RPH3AL: variants seen among roughly 807,000 people sequenced by gnomAD.
The protein encoded by RPH3AL is rabphilin 3A like (without C2 domains), also known as rab effector Noc2.
A neutral mutation model predicts 43.1 loss-of-function variants in RPH3AL; 38 were observed. The ratio of observed to expected loss-of-function variants is 0.88; its 90% CI spans 0.68 to 1.15. The LOEUF (loss-of-function observed/expected upper bound fraction) is 1.15, where lower values mean the gene tolerates loss of function less well. RPH3AL is among the 50% of genes most tolerant of loss of function. RPH3AL has a pLI of 0.00. For synonymous variants in RPH3AL, 189 were observed against 176.3 expected, an observed-to-expected ratio of 1.07 and a Z score of -0.57; for missense variants, 462 against 423.2, an observed-to-expected ratio of 1.09 and a Z score of -0.81.
chr17:268,190 T>C lies in RPH3AL; in HGVS notation c.438+13578A>G, dbSNP rs538565892. 2.4e-4 allele frequency among the ~76,000 whole-genome samples: 37 copies of C among 152,284 alleles called. No individual in the cohort carries two copies. The East Asian group carries it at 6.4e-3, about 26-fold the overall frequency. ...TTTTCCTCTCCCTCCATCACCCTTG[T>C]GACAACGAAAGCAACCCCTCCTCTT... is the stretch of plus-strand genomic sequence containing the variant. On this transcript the variant is annotated intron_variant, in intron 6 of 9. Transcript: ENST00000331302.
chr17:240,615 C>T (rs921344189), intron 7 of RPH3AL, among the ~76,000 whole-genome samples: 5 of 152,202 alleles, frequency 3.3e-5, no homozygotes, highest in Admixed American at 1.3e-4. Context: ...CAGGCTGCAG[C>T]GTGGATCAGC....
chr17:312,288 G>A (rs1337430327), intron 5 of RPH3AL, among the ~76,000 whole-genome samples: 2 of 152,026 alleles, frequency 1.3e-5, no homozygotes. Flanking sequence ...GTGACAGAGT[G>A]AGACCCTGTC....
chr17:286,002 C>T (rs777539896), intron 5 of RPH3AL, among the ~76,000 whole-genome samples: 1 of 152,234 alleles, frequency 6.6e-6, no homozygotes, highest in Non-Finnish European at 1.5e-5. Context: ...CCCCACTGTG[C>T]ACCCCGGGAT....
chr17:270,543 T>C (rs897786849), intron 6 of RPH3AL, among the ~76,000 whole-genome samples: 11 of 152,026 alleles, frequency 7.2e-5, no homozygotes, highest in African/African-American at 2.7e-4. Flanking sequence ...GATAAGTGAG[T>C]TGGAGAGGAT....
At chr17:249,463 C>A (rs1382558768) in intron 6 of RPH3AL, among the ~76,000 whole-genome samples, 1 of 152,068 alleles carries the variant, frequency 6.6e-6, no homozygotes, top group Non-Finnish European at 1.5e-5. Context: ...CACGGAGCAG[C>A]CTCTCCACAG....
intron 1 of RPH3AL, chr17:338,557 ACGTAGGTACCTGTGGCCCCTGAGCACTCT>A (rs1381065225): frequency 6.6e-6 from 1 of 152,184 alleles, no homozygotes; most frequent in Non-Finnish European, 1.5e-5. Flanking sequence ...CCAGAATAAT[ACGTAGGTACCTGTGGCCCCTGAGCACTCT>A]CTGCCCAGAA....
chr17:283,288 GT>G lies in RPH3AL; in HGVS notation c.352-1435del. On this transcript the variant is annotated intron_variant, in intron 5 of 9. Coordinates refer to ENST00000331302, the MANE Select transcript of RPH3AL (RefSeq NM_006987.4). This position sits in a 1 kb window ranked among gnomAD's most constrained non-coding sequence, Gnocchi z 4.2. ...CACCAACTTGGCTTCCACGTCGAGC[GT>G]GTCGAGCGTGTGGAGGTCACTGGCC... 6.6e-6 allele frequency among the ~76,000 whole-genome samples: 1 copy of G among 152,288 alleles called. No homozygotes were observed. Among genetic ancestry groups the G allele is most frequent in the South Asian group, 2.1e-4 (1 of 4,826 alleles).
chr17:348,506 A>AT (rs1383750893), intron 1 of RPH3AL, among the ~76,000 whole-genome samples: 2 of 148,956 alleles, frequency 1.3e-5, no homozygotes, highest in African/African-American at 5.0e-5. Context: ...TTTTTGTTCA[A>AT]TTTTTTCTGT....
At chr17:336,417 G>T (rs2044955088) in intron 1 of RPH3AL, among the ~76,000 whole-genome samples, 1 of 152,146 alleles carries the variant, frequency 6.6e-6, no homozygotes, top group African/African-American at 2.4e-5. Context: ...GTTGAAGCAG[G>T]AGCCCCGGGG....
intron 1 of RPH3AL, among the ~76,000 whole-genome samples, chr17:347,514 C>T (rs2045261840): frequency 6.6e-6 from 1 of 151,890 alleles, no homozygotes; most frequent in Non-Finnish European, 1.5e-5. Context: ...AGCCCCAGAG[C>T]TCAGGGTGGC....
At chr17:297,324 C>A (rs532605142) in intron 5 of RPH3AL, among the ~76,000 whole-genome samples, 3 of 152,324 alleles carry the variant, frequency 2.0e-5, no homozygotes, top group South Asian at 2.1e-4. Context: ...TGTTTCTCTG[C>A]GAGTTCTGTG....
intron 6 of RPH3AL, among the ~76,000 whole-genome samples, chr17:270,644 G>T (rs1392243306): frequency 6.6e-6 from 1 of 151,892 alleles, no homozygotes; most frequent in Non-Finnish European, 1.5e-5. Context: ...GAGCTCAGGA[G>T]TTTGAGGCCA....
At chr17:237,211 C>A (rs1298714510) in intron 7 of RPH3AL, among the ~76,000 whole-genome samples, 8 of 152,228 alleles carry the variant, frequency 5.3e-5, no homozygotes, top group Non-Finnish European at 8.8e-5. Context: ...TGCTTTCACG[C>A]CACCACAAAA....
intron 5 of RPH3AL, among the ~76,000 whole-genome samples, chr17:314,771 G>GCTCC (rs2043852862): frequency 3.5e-5 from 1 of 28,218 alleles, no homozygotes; most frequent in African/African-American, 8.0e-5. Context: ...TAGTCTCTGT[G>GCTCC]ACCCCACCTC....
At position 307,154 on chromosome 17, in the gene RPH3AL, C is replaced by G. The variant is rs1021628869; in HGVS notation, c.351+12266G>C. ...GATCCTCCCCATGGCAGGTCCTCCC[C>G]ATGGCAGGCCCATCCCACGGCAGAT... On this transcript the variant is annotated intron_variant, in intron 5 of 9. Coordinates refer to ENST00000331302, the MANE Select transcript of RPH3AL (RefSeq NM_006987.4). Among the ~76,000 whole-genome samples the G allele has an allele frequency of 1.4e-4, 21 of 151,064 alleles. 1 individual carries two copies. Among genetic ancestry groups the G allele is most frequent in the Non-Finnish European group, 1.5e-5 (1 of 67,744 alleles).
intron 7 of RPH3AL, chr17:234,554 A>G (rs1234381720): frequency 6.3e-6 from 1 of 157,708 alleles, no homozygotes; most frequent in Admixed American, 6.5e-5. Flanking sequence ...TCACTGCTCC[A>G]CCAGTCTGTG....
At chr17:269,397 C>T (rs148633774) in intron 6 of RPH3AL, among the ~76,000 whole-genome samples, 9 of 152,260 alleles carry the variant, frequency 5.9e-5, no homozygotes, top group Non-Finnish European at 1.0e-4. Context: ...CAGCCCTGGC[C>T]CCCTTGCTGG....
intron 5 of RPH3AL, among the ~76,000 whole-genome samples, chr17:305,162 G>A (rs553786498): frequency 4.7e-4 from 71 of 149,724 alleles, no homozygotes; most frequent in South Asian, 8.5e-4. Flanking sequence ...GGTGGGCTCC[G>A]GGGCGTCTGC....
At chr17:308,013 G>A (rs550168213) in intron 5 of RPH3AL, among the ~76,000 whole-genome samples, 1 of 152,358 alleles carries the variant, frequency 6.6e-6, no homozygotes, top group East Asian at 1.9e-4. Flanking sequence ...AGCCGAAGCA[G>A]GCCCCTCGGG....
Sources: gnomAD v4.1 joint callset for allele counts (sites outside exome capture counted in the v4.1 genomes callset) on GRCh38, gnomAD v4.1.1 for gene constraint, Gnocchi (gnomAD v3.1) non-coding constraint, MANE v1.5 for transcripts, NCBI Gene and HGNC (gene_info 2026-07-23, HGNC 2026-07-21) for gene names.